Variants in SIL1 observed in about 807,000 individuals in gnomAD.
SIL1 encodes SIL1 nucleotide exchange factor, also known as nucleotide exchange factor SIL1.
Under a neutral mutation model 49.1 loss-of-function variants are expected in SIL1, and 40 were observed. The observed-to-expected ratio is 0.81, with a 90% CI of 0.63 to 1.06. The LOEUF (loss-of-function observed/expected upper bound fraction) is 1.06. Among genes scored for constraint, SIL1 ranks in the 50% least tolerant of loss-of-function variants. SIL1 has a pLI of 0.00. For synonymous variants in SIL1, 253 were observed against 250.8 expected (o/e 1.01, Z -0.08); for missense variants, 500 against 572.6 (o/e 0.87, Z 1.29).
At chr5:138,985,602 G>GA (rs1449945043) in intron 7 of SIL1, among the ~76,000 whole-genome samples, 4 of 152,198 alleles carry the variant, frequency 2.6e-5, no homozygotes, top group Non-Finnish European at 5.9e-5. Context: ...TCTCAAGCCA[G>GA]AAAGAACCTC....
At chr5:139,042,498 T>G in intron 5 of SIL1, 122 bp downstream of exon 5, 2 of 887,630 alleles carry the variant, frequency 2.3e-6, no homozygotes, top group Non-Finnish European at 3.7e-6. Flanking sequence ...GTTCTTTAAA[T>G]TATTTTACAA....
intron 7 of SIL1, among the ~76,000 whole-genome samples, chr5:139,008,251 A>G (rs2150416936): frequency 6.6e-6 from 1 of 151,348 alleles, no homozygotes; most frequent in African/African-American, 2.4e-5. Context: ...ATTTGCGTAG[A>G]GGTGTTTGTA....
chr5:139,140,436 T>G (rs915432148), intron 1 of SIL1, among the ~76,000 whole-genome samples: 4 of 152,258 alleles, frequency 2.6e-5, no homozygotes, highest in Admixed American at 2.6e-4. Flanking sequence ...GCTACTACCA[T>G]GTTGGTATCA....
intron 2 of SIL1, among the ~76,000 whole-genome samples, chr5:139,126,065 C>T (rs1428328679): frequency 6.6e-6 from 1 of 152,184 alleles, no homozygotes; most frequent in Admixed American, 6.5e-5. Flanking sequence ...CCACCTCCAC[C>T]CCATTTTCAC....
intron 7 of SIL1, among the ~76,000 whole-genome samples, chr5:138,967,305 T>C (rs569418788): frequency 6.6e-6 from 1 of 152,280 alleles, no homozygotes; most frequent in South Asian, 2.1e-4. Flanking sequence ...ATCAGAACCA[T>C]TAGGGGAGGG....
intron 7 of SIL1, among the ~76,000 whole-genome samples, chr5:138,962,010 T>G (rs1767030202): frequency 6.6e-6 from 1 of 151,320 alleles, no homozygotes; most frequent in South Asian, 2.1e-4. Flanking sequence ...GAATATAATT[T>G]CAGTGAGGCC....
intron 7 of SIL1, among the ~76,000 whole-genome samples, chr5:138,983,368 C>T (rs192677744): frequency 2.0e-5 from 3 of 151,628 alleles, no homozygotes; most frequent in Admixed American, 1.3e-4. Context: ...ATTAGCCAGG[C>T]GTGGTGGCAG....
intron 1 of SIL1, among the ~76,000 whole-genome samples, chr5:139,150,862 G>A (rs1751282638): frequency 6.6e-6 from 1 of 152,180 alleles, no homozygotes; most frequent in Non-Finnish European, 1.5e-5. Flanking sequence ...TATATCCCAG[G>A]CAAGGCAAGC....
intron 3 of SIL1, among the ~76,000 whole-genome samples, chr5:139,098,809 C>CT (rs59863544): frequency 0.058 from 5,124 of 88,746 alleles, 374 homozygotes; most frequent in Admixed American, 0.093. Flanking sequence ...TTTTCTTACT[C>CT]TTTTTTTTTT....
chr5:139,144,643 G>A (rs551404782), intron 1 of SIL1, among the ~76,000 whole-genome samples: 1 of 152,336 alleles, frequency 6.6e-6, no homozygotes, highest in African/African-American at 2.4e-5. Flanking sequence ...GGCTGAGGCA[G>A]GCAGATCACC....
At chr5:139,142,206 C>T (rs1751094128) in intron 1 of SIL1, among the ~76,000 whole-genome samples, 1 of 152,182 alleles carries the variant, frequency 6.6e-6, no homozygotes, top group Non-Finnish European at 1.5e-5. Flanking sequence ...CAGCAAGGTG[C>T]CTGTTAAGAA....
chr5:139,152,737 C>G (rs1050111072), intron 1 of SIL1, among the ~76,000 whole-genome samples: 1 of 152,156 alleles, frequency 6.6e-6, no homozygotes, highest in Non-Finnish European at 1.5e-5. Flanking sequence ...TTTCCAGGAC[C>G]CTCAGAATAA....
chr5:138,996,026 T>C (rs114876438), intron 7 of SIL1, among the ~76,000 whole-genome samples: 102 of 152,366 alleles, frequency 6.7e-4, no homozygotes, highest in Non-Finnish European at 1.1e-3. Flanking sequence ...CTTTGATATA[T>C]TGATTTCCTT....
intron 7 of SIL1, among the ~76,000 whole-genome samples, chr5:138,980,699 C>T (rs1767497857): frequency 6.6e-6 from 1 of 152,108 alleles, no homozygotes; most frequent in Non-Finnish European, 1.5e-5. Context: ...AAAGCAAGGA[C>T]AGAGGATGAA....
intron 3 of SIL1, among the ~76,000 whole-genome samples, chr5:139,117,315 T>C (rs1771012722): frequency 6.6e-6 from 1 of 152,206 alleles, no homozygotes; most frequent in South Asian, 2.1e-4. Context: ...TCTACCACTT[T>C]TTGGTTGTTT....
intron 7 of SIL1, among the ~76,000 whole-genome samples, chr5:138,996,321 T>C (rs1227628741): frequency 6.6e-6 from 1 of 152,196 alleles, no homozygotes; most frequent in Non-Finnish European, 1.5e-5. Flanking sequence ...GCCATGTGTA[T>C]GTCTTCTTTT....
At position 138,948,920 on chromosome 5, in the gene SIL1, A is replaced by AT. The variant is rs1286521911; in HGVS notation, c.1030-1448dup. Among the ~76,000 whole-genome samples the AT allele has an allele frequency of 6.6e-6, 1 of 152,174 alleles. No individual in the cohort carries two copies. The highest frequency in any genetic ancestry group is 1.5e-5 in the Non-Finnish European group (1 of 68,030). ...CCCTCTCACCTTCCACAATGTTGTCATGCAACACAAAGGCTCCCGCCAGAT... is the reference window on the plus strand; with the variant it reads ...CCCTCTCACCTTCCACAATGTTGTCATTGCAACACAAAGGCTCCCGCCAGAT... On this transcript the variant is annotated intron_variant, in intron 9 of 9. Transcript: ENST00000394817. The surrounding 1 kb of genome is among the most constrained non-coding windows in gnomAD (Gnocchi z 4.8).
intron 7 of SIL1, among the ~76,000 whole-genome samples, chr5:138,974,499 G>T (rs1213759094): frequency 6.6e-6 from 1 of 152,178 alleles, no homozygotes; most frequent in African/African-American, 2.4e-5. Context: ...ATTGAAAGAG[G>T]AGAATAATCC....
intron 5 of SIL1, among the ~76,000 whole-genome samples, chr5:139,041,883 G>C (rs1197173688): frequency 6.6e-6 from 1 of 151,300 alleles, no homozygotes; most frequent in Non-Finnish European, 1.5e-5. Flanking sequence ...GGAGAACTTA[G>C]GTCTCTAAGG....
Sources: gnomAD v4.1 joint callset for allele counts (sites outside exome capture counted in the v4.1 genomes callset) on GRCh38, gnomAD v4.1.1 for gene constraint, Gnocchi (gnomAD v3.1) non-coding constraint, MANE v1.5 for transcripts, NCBI Gene and HGNC (gene_info 2026-07-23, HGNC 2026-07-21) for gene names.